The following TSACC variants were observed in gnomAD, a reference collection of about 807,000 sequenced individuals.
TSACC encodes the protein TSSK6 activating cochaperone, also known as TSSK6-activating co-chaperone protein.
TSACC carries 3 observed loss-of-function variants against 6.9 expected under a neutral mutation model. The observed-to-expected ratio is 0.43, with a 90% CI of 0.20 to 1.12. The LOEUF (loss-of-function observed/expected upper bound fraction) is 1.12. Among genes scored for constraint, TSACC ranks in the 50% most tolerant of loss-of-function variants. The pLI, the probability that TSACC is intolerant of heterozygous loss-of-function variation, is 0.28. For missense variants in TSACC, 137 were observed against 143.9 expected, an observed-to-expected ratio of 0.95 and a Z score of 0.24; for synonymous variants, 54 against 55.1, an observed-to-expected ratio of 0.98 and a Z score of 0.09.
At position 156,345,673 on chromosome 1, in the gene TSACC, G is replaced by A. The variant is rs561766643; in HGVS notation, c.163+965G>A. On this transcript the variant is annotated intron_variant, in intron 3 of 3. Coordinates refer to ENST00000368254, the MANE Select transcript of TSACC (RefSeq NM_001304817.2). ...ACCTGAGGTCAGGAGTTTGAGACCAGCCTCACCAACATGGTGAAACCCCAT... is the reference window on the plus strand; with the variant it reads ...ACCTGAGGTCAGGAGTTTGAGACCAACCTCACCAACATGGTGAAACCCCAT... 2.0e-5 allele frequency among the ~76,000 whole-genome samples: 3 copies of A among 151,802 alleles called. No individual in the cohort carries two copies. The East Asian group carries it at 5.8e-4, about 29-fold the overall frequency.
intron 3 of TSACC, among the ~76,000 whole-genome samples, chr1:156,345,548 A>G (rs1372874862): frequency 1.3e-5 from 2 of 149,046 alleles, no homozygotes; most frequent in Non-Finnish European, 3.0e-5. Flanking sequence ...GGGCAACAAG[A>G]GTGAAACTCC....
intron 2 of TSACC, 139 bp downstream of exon 2, chr1:156,339,930 A>G (rs1301804630): frequency 1.2e-6 from 1 of 848,174 alleles, no homozygotes; most frequent in Non-Finnish European, 1.9e-6. Context: ...ATTATTTGTT[A>G]AATGAATTTA....
upstream of TSACC, chr1:156,338,396 AG>A (rs1216824316): frequency 1.7e-6 from 1 of 583,304 alleles, no homozygotes; most frequent in Non-Finnish European, 3.1e-6. Flanking sequence ...CCCCTACGCA[AG>A]AACGGCCAGA....
intron 2 of TSACC, among the ~76,000 whole-genome samples, chr1:156,340,695 A>C (rs1665828081): frequency 6.8e-6 from 1 of 147,784 alleles, no homozygotes; most frequent in Admixed American, 6.7e-5. Context: ...TCCTGACCTC[A>C]GGTGATCCGC....
intron 3 of TSACC, 103 bp downstream of exon 3, chr1:156,344,811 T>TTAGG: frequency 7.2e-7 from 1 of 1,392,624 alleles, no homozygotes; most frequent in Non-Finnish European, 9.8e-7. Flanking sequence ...CAAATCTATG[T>TTAGG]TAGGCATCTA....
chr1:156,340,676 G>C (rs981019806), intron 2 of TSACC, among the ~76,000 whole-genome samples: 9 of 148,532 alleles, frequency 6.1e-5, no homozygotes, highest in African/African-American at 2.2e-4. Context: ...GGTCAGGCTG[G>C]TTTCGAACTC....
chr1:156,338,249 G>T, upstream of TSACC: 1 of 1,316,820 alleles, frequency 7.6e-7, no homozygotes, highest in Non-Finnish European at 1.1e-6. Flanking sequence ...TGGAGAGAGA[G>T]AACCAGACAG....
At chr1:156,346,671 T>A (rs182513657) in intron 3 of TSACC, 97 bp from the exon 4 acceptor site, 2 of 1,220,452 alleles carry the variant, frequency 1.6e-6, no homozygotes, top group African/African-American at 1.5e-5. Context: ...CTGGAAAGAT[T>A]GGAGAGGTCA....
chr1:156,343,732 TTTG>T lies in TSACC; in HGVS notation c.35-836_35-834del, dbSNP rs1327938092. ...CAGTATAGCCTGGCTTCTCAAGTTT[TTTG>T]TTGTTGTTGTTTCATTTTTTTTGAG... On this transcript the variant is annotated intron_variant, in intron 2 of 3. Coordinates refer to ENST00000368254, the MANE Select transcript of TSACC (RefSeq NM_001304817.2). Among the ~76,000 whole-genome samples the T allele has an allele frequency of 4.6e-5, 7 of 151,962 alleles. No homozygotes were observed. In the East Asian group the frequency reaches 7.7e-4, roughly 17 times the overall value.
upstream of TSACC, chr1:156,338,441 G>C (rs571416576): frequency 1.3e-3 from 743 of 572,004 alleles, 7 homozygotes; most frequent in South Asian, 0.015. Flanking sequence ...CGAAGGCACT[G>C]GGAGGGCACA....
chr1:156,339,809 T>G lies in TSACC; in HGVS notation c.34+18T>G. The G allele has an allele frequency of 6.2e-7, 1 of 1,613,290 alleles. No individual in the cohort carries two copies. The highest frequency in any genetic ancestry group is 8.5e-7 in the Non-Finnish European group (1 of 1,179,760). Reference sequence around the variant, plus strand: ...CAGAAAAGGTGTGTGTTGGAGGCCCTGCTTCCCCTCCCTTAAAAAGCAAGA... The same window carrying G: ...CAGAAAAGGTGTGTGTTGGAGGCCCGGCTTCCCCTCCCTTAAAAAGCAAGA... On this transcript the variant is annotated intron_variant, in intron 2 of 3. Transcript: ENST00000368254.
At chr1:156,346,670 T>C (rs1053829123) in intron 3 of TSACC, 98 bp from the exon 4 acceptor site, 32 of 1,211,994 alleles carry the variant, frequency 2.6e-5, no homozygotes, top group African/African-American at 4.5e-5. Flanking sequence ...CCTGGAAAGA[T>C]TGGAGAGGTC....
At chr1:156,338,331 G>A (rs1665558334), upstream of TSACC, 8 of 737,488 alleles carry the variant, frequency 1.1e-5, no homozygotes, top group South Asian at 3.1e-5. Flanking sequence ...GCCAATCACC[G>A]CACCCATCTC....
At chr1:156,338,259 G>C (rs973783094), upstream of TSACC, 2 of 1,500,674 alleles carry the variant, frequency 1.3e-6, no homozygotes, top group Non-Finnish European at 1.8e-6. Context: ...GAACCAGACA[G>C]AAGCCCAGAA....
intron 2 of TSACC, among the ~76,000 whole-genome samples, chr1:156,341,883 GA>G (rs1239701357): frequency 6.6e-6 from 1 of 151,954 alleles, no homozygotes; most frequent in African/African-American, 2.4e-5. Flanking sequence ...CTAACACGGT[GA>G]AACCCGTCTC....
chr1:156,340,894 A>C (rs779761473), intron 2 of TSACC, among the ~76,000 whole-genome samples: 2 of 152,146 alleles, frequency 1.3e-5, no homozygotes, highest in South Asian at 2.1e-4. Context: ...CAGTTTACCT[A>C]CTTAGGATCA....
At chr1:156,344,892 T>C (rs1666086666) in intron 3 of TSACC, among the ~76,000 whole-genome samples, 184 bp downstream of exon 3, 1 of 152,232 alleles carries the variant, frequency 6.6e-6, no homozygotes. Context: ...TTCTACCAAC[T>C]TGTATTGTTT....
At chr1:156,345,368 G>A (rs1378923687) in intron 3 of TSACC, among the ~76,000 whole-genome samples, 2 of 152,064 alleles carry the variant, frequency 1.3e-5, no homozygotes, top group South Asian at 2.1e-4. Flanking sequence ...CTTCAGACCA[G>A]CCTGACCGAC....
intron 2 of TSACC, among the ~76,000 whole-genome samples, chr1:156,342,571 C>G (rs1665957916): frequency 6.6e-6 from 1 of 152,228 alleles, no homozygotes; most frequent in South Asian, 2.1e-4. Flanking sequence ...CTTCTGCCCC[C>G]AGGCTTGTTT....
Sources: allele counts gnomAD v4.1 joint callset (sites outside exome capture counted in the v4.1 genomes callset), GRCh38; gene constraint gnomAD v4.1.1; transcripts MANE v1.5; gene names NCBI Gene and HGNC (gene_info 2026-07-23, HGNC 2026-07-21).